Variants in CPQ observed in about 807,000 individuals in gnomAD.
CPQ encodes Ser-Met dipeptidase.
CPQ carries 37 observed loss-of-function variants against 45.7 expected under a neutral mutation model. The ratio of observed to expected loss-of-function variants is 0.81; its 90% CI spans 0.62 to 1.07. CPQ has a LOEUF of 1.07. Among genes scored for constraint, CPQ ranks in the 50% least tolerant of loss-of-function variants. The pLI is 0.00. For missense variants in CPQ, 537 were observed against 572.9 expected (o/e 0.94, Z 0.64); for synonymous variants, 186 against 205.8 (o/e 0.90, Z 0.82).
chr8:96,872,362 A>G (rs937626289), intron 3 of CPQ, among the ~76,000 whole-genome samples: 1 of 151,978 alleles, frequency 6.6e-6, no homozygotes, highest in Non-Finnish European at 1.5e-5. Context: ...GTGCTCAAAA[A>G]GTTTCAGAGC....
chr8:97,075,204 G>T (rs74885717), intron 7 of CPQ, among the ~76,000 whole-genome samples: 435 of 152,240 alleles, frequency 2.9e-3, no homozygotes, highest in Non-Finnish European at 5.2e-3. Context: ...TTGCTCCATT[G>T]TATGTACTAT....
intron 4 of CPQ, among the ~76,000 whole-genome samples, chr8:96,903,786 G>C (rs2130898980): frequency 6.6e-6 from 1 of 152,224 alleles, no homozygotes; most frequent in East Asian, 1.9e-4. Context: ...CTTCTGCAAA[G>C]TTCCTTATCA....
chr8:97,076,121 GT>G (rs1810841659), intron 7 of CPQ, among the ~76,000 whole-genome samples: 1 of 152,126 alleles, frequency 6.6e-6, no homozygotes, highest in Admixed American at 6.5e-5. Flanking sequence ...CGCCTCCCGG[GT>G]TCAAGTGATC....
intron 1 of CPQ, among the ~76,000 whole-genome samples, chr8:96,656,244 G>A (rs2130707719): frequency 6.6e-6 from 1 of 152,318 alleles, no homozygotes; most frequent in East Asian, 1.9e-4. Flanking sequence ...AGTTGGGTCA[G>A]GTGGTAATGA....
At position 96,886,908 on chromosome 8, in the gene CPQ, G is replaced by A. The variant is rs558305270; in HGVS notation, c.849+6903G>A. Among the ~76,000 whole-genome samples the A allele has an allele frequency of 2.4e-4, 36 of 152,122 alleles. 1 individual carries two copies. Among genetic ancestry groups the A allele is most frequent in the South Asian group, 1.5e-3 (7 of 4,822 alleles). On this transcript the variant is annotated intron_variant, in intron 4 of 7. Coordinates refer to ENST00000220763, the MANE Select transcript of CPQ (RefSeq NM_016134.4). ...GTTCTCATATCTACCGTCCTTTGTC[G>A]TCTCAGAGTTTCCTTAGAGCACCCC...
intron 3 of CPQ, among the ~76,000 whole-genome samples, chr8:96,864,963 C>T (rs148521906): frequency 1.4e-4 from 21 of 152,084 alleles, no homozygotes; most frequent in Non-Finnish European, 2.5e-4. Context: ...AGTGTCTCCA[C>T]TGTTAAACTA....
chr8:96,735,544 A>T (rs1304526197), intron 1 of CPQ, among the ~76,000 whole-genome samples: 1 of 152,252 alleles, frequency 6.6e-6, no homozygotes, highest in African/African-American at 2.4e-5. Flanking sequence ...AATAGGAAAA[A>T]TGCAAATTGG....
chr8:97,000,335 A>G (rs1345825904), intron 5 of CPQ, among the ~76,000 whole-genome samples: 1 of 151,956 alleles, frequency 6.6e-6, no homozygotes, highest in Admixed American at 6.6e-5. Flanking sequence ...CCAGAATAGT[A>G]TTGCCCAGGT....
At chr8:97,098,238 T>C (rs1188477479) in intron 7 of CPQ, among the ~76,000 whole-genome samples, 2 of 152,150 alleles carry the variant, frequency 1.3e-5, no homozygotes, top group Non-Finnish European at 2.9e-5. Context: ...AAAACATTAA[T>C]TGAAATCCCA....
intron 4 of CPQ, among the ~76,000 whole-genome samples, chr8:96,954,301 A>T (rs1813317014): frequency 6.6e-6 from 1 of 152,104 alleles, no homozygotes; most frequent in Non-Finnish European, 1.5e-5. Context: ...TATTCAACAC[A>T]TGGCTACAAT....
intron 1 of CPQ, among the ~76,000 whole-genome samples, chr8:96,653,813 G>C (rs1815605433): frequency 6.6e-6 from 1 of 152,164 alleles, no homozygotes; most frequent in Non-Finnish European, 1.5e-5. Context: ...TGGTCTTGCT[G>C]TCTTAGGGGT....
At chr8:96,964,828 T>C (rs867666696) in intron 4 of CPQ, among the ~76,000 whole-genome samples, 3 of 152,164 alleles carry the variant, frequency 2.0e-5, no homozygotes, top group Non-Finnish European at 4.4e-5. Flanking sequence ...AATCTGTGTT[T>C]AGATATGTAA....
chr8:97,080,849 A>T (rs1810935047), intron 7 of CPQ, among the ~76,000 whole-genome samples: 1 of 152,258 alleles, frequency 6.6e-6, no homozygotes, highest in South Asian at 2.1e-4. Context: ...GACCTGAGTG[A>T]TCCGTTGCCT....
intron 3 of CPQ, among the ~76,000 whole-genome samples, chr8:96,836,648 G>A (rs1429239138): frequency 3.3e-5 from 5 of 152,198 alleles, no homozygotes; most frequent in Non-Finnish European, 7.4e-5. Context: ...ATGATTTCAC[G>A]GTCATGAGAC....
chr8:96,926,625 C>T (rs112470478), intron 4 of CPQ, among the ~76,000 whole-genome samples: 4,713 of 52,986 alleles, frequency 0.089, 379 homozygotes, highest in African/African-American at 0.25. Context: ...TTCTTCTTCT[C>T]CTCCTTCTCC....
chr8:96,866,912 C>G (rs536603371), intron 3 of CPQ, among the ~76,000 whole-genome samples: 12 of 152,166 alleles, frequency 7.9e-5, no homozygotes, highest in African/African-American at 2.6e-4. Flanking sequence ...GCCATTTTAC[C>G]AATGTCCTGT....
chr8:96,804,277 T>C (rs536985238), intron 2 of CPQ, among the ~76,000 whole-genome samples: 3 of 152,286 alleles, frequency 2.0e-5, no homozygotes, highest in Admixed American at 6.5e-5. Context: ...AAGGCTCTTA[T>C]GTGCTCTCAC....
chr8:96,917,031 T>G (rs1172546455), intron 4 of CPQ, among the ~76,000 whole-genome samples: 1 of 152,056 alleles, frequency 6.6e-6, no homozygotes, highest in African/African-American at 2.4e-5. Flanking sequence ...CTCTTTCTTT[T>G]TTTTCCTCCT....
At chr8:96,688,612 G>A (rs371676471) in intron 1 of CPQ, among the ~76,000 whole-genome samples, 3 of 151,988 alleles carry the variant, frequency 2.0e-5, no homozygotes, top group Admixed American at 6.6e-5. Flanking sequence ...CCTACTATTA[G>A]CATAGATGAA....
Sources: gnomAD v4.1 joint callset for allele counts (sites outside exome capture counted in the v4.1 genomes callset) on GRCh38, gnomAD v4.1.1 for gene constraint, MANE v1.5 for transcripts, NCBI Gene and HGNC (gene_info 2026-07-23, HGNC 2026-07-21) for gene names.